Variants in GLCCI1 observed in about 807,000 individuals in gnomAD.
The protein encoded by GLCCI1 is glucocorticoid induced 1.
Under a neutral mutation model 52.2 loss-of-function variants are expected in GLCCI1, and 24 were observed. The observed-to-expected ratio is 0.46, with a 90% CI of 0.33 to 0.65. The LOEUF is 0.65. GLCCI1 is among the 30% of genes least tolerant of loss of function. GLCCI1 has a pLI of 0.02. For synonymous variants in GLCCI1, 310 were observed against 276.5 expected, an observed-to-expected ratio of 1.12 and a Z score of -1.20; for missense variants, 704 against 701.5, an observed-to-expected ratio of 1.00 and a Z score of -0.04.
intron 1 of GLCCI1, among the ~76,000 whole-genome samples, chr7:8,001,969 A>T (rs1289636938): frequency 6.6e-6 from 1 of 152,182 alleles, no homozygotes; most frequent in Non-Finnish European, 1.5e-5. Context: ...TGGGAGAGGG[A>T]TAGCATTAGG....
chr7:7,975,081 A>G (rs1357230290), intron 1 of GLCCI1, among the ~76,000 whole-genome samples: 2 of 152,178 alleles, frequency 1.3e-5, no homozygotes, highest in African/African-American at 4.8e-5. Context: ...GAAGGCAGAT[A>G]CTACCTGTAT....
intron 1 of GLCCI1, among the ~76,000 whole-genome samples, chr7:8,002,195 C>A (rs1030796261): frequency 2.0e-5 from 3 of 151,916 alleles, no homozygotes; most frequent in Non-Finnish European, 2.9e-5. Flanking sequence ...ATTTTTAGAA[C>A]TCAATAGTAG....
intron 6 of GLCCI1, among the ~76,000 whole-genome samples, chr7:8,076,868 T>C (rs1782886445): frequency 6.6e-6 from 1 of 152,172 alleles, no homozygotes; most frequent in African/African-American, 2.4e-5. Context: ...GTTCATGATA[T>C]GCCCATTTTT....
chr7:7,974,666 T>C (rs1241769568), intron 1 of GLCCI1, among the ~76,000 whole-genome samples: 4 of 152,196 alleles, frequency 2.6e-5, no homozygotes, highest in African/African-American at 9.7e-5. Flanking sequence ...CGGAGAGGGT[T>C]TTCCTTAGTC....
At chr7:8,057,524 A>G (rs1160468164) in intron 4 of GLCCI1, among the ~76,000 whole-genome samples, 1 of 152,136 alleles carries the variant, frequency 6.6e-6, no homozygotes, top group African/African-American at 2.4e-5. Context: ...AGTTTTAGGG[A>G]TGCGGATTGA....
chr7:8,025,306 C>T (rs1054320135), intron 3 of GLCCI1, among the ~76,000 whole-genome samples: 4 of 152,002 alleles, frequency 2.6e-5, no homozygotes, highest in South Asian at 2.1e-4. Flanking sequence ...CGCCACTGCA[C>T]TGCAGCCTGG....
intron 3 of GLCCI1, among the ~76,000 whole-genome samples, chr7:8,026,718 G>T (rs1781630220): frequency 6.6e-6 from 1 of 152,250 alleles, no homozygotes; most frequent in South Asian, 2.1e-4. Context: ...CCTGTGCATG[G>T]AGGGAACGTT....
intron 1 of GLCCI1, among the ~76,000 whole-genome samples, chr7:7,993,460 A>G (rs1475957055): frequency 6.6e-6 from 1 of 152,192 alleles, no homozygotes; most frequent in Admixed American, 6.5e-5. Context: ...GAGCATAGCC[A>G]TATTGCTCTA....
chr7:7,969,554 G>T lies in GLCCI1; in HGVS notation c.204G>T (p.Val68=). 1.0e-6 allele frequency: 1 copy of T among 1,002,492 alleles called. No individual in the cohort carries two copies. Among genetic ancestry groups the T allele is most frequent in the Non-Finnish European group, 1.2e-6 (1 of 842,236 alleles). The allele number at this position is 1,002,492 out of a possible 1,614,324, so 62.1% of individuals were successfully genotyped here. The change falls in exon 1 of 8, where the codon GTG becomes GTT. Residue 68 remains valine (V), a synonymous_variant. Coordinates refer to ENST00000223145, the MANE Select transcript of GLCCI1 (RefSeq NM_138426.4). This position sits in a 1 kb window ranked among gnomAD's most constrained non-coding sequence, Gnocchi z 4.9. ...GRLLQPIRAT[V]PYQLLRGSQH... is the part of the protein sequence containing the mutation. ...TGCTGCAGCCCATCCGCGCCACGGT[G>T]CCCTACCAGCTCTTGCGGGGCAGCC...
intron 5 of GLCCI1, among the ~76,000 whole-genome samples, chr7:8,061,518 A>G (rs117620902): frequency 0.029 from 4,474 of 152,236 alleles, 87 homozygotes; most frequent in Middle Eastern, 0.048. Context: ...ATCTTGATGA[A>G]TATTGCCAGA....
intron 1 of GLCCI1, among the ~76,000 whole-genome samples, chr7:7,989,674 GT>G (rs1287485495): frequency 6.6e-6 from 1 of 152,098 alleles, no homozygotes; most frequent in African/African-American, 2.4e-5. Flanking sequence ...GAGACCACTT[GT>G]GATAGCCACA....
chr7:8,011,959 G>T (rs902474807), intron 2 of GLCCI1, among the ~76,000 whole-genome samples: 7 of 151,934 alleles, frequency 4.6e-5, no homozygotes, highest in African/African-American at 1.7e-4. Context: ...GGCACTGCAG[G>T]CACACGCCAC....
chr7:8,009,307 A>G (rs1262884866), intron 2 of GLCCI1, among the ~76,000 whole-genome samples: 1 of 152,228 alleles, frequency 6.6e-6, no homozygotes, highest in Non-Finnish European at 1.5e-5. Context: ...TCTTCACCCC[A>G]TAGTCTGAGG....
At chr7:7,986,536 AAAAG>A (rs147102183) in intron 1 of GLCCI1, among the ~76,000 whole-genome samples, 62,975 of 151,124 alleles carry the variant, frequency 0.42, 13,322 homozygotes, top group Middle Eastern at 0.51. Flanking sequence ...AAAAAGAAAA[AAAAG>A]AAAAAGTGAC....
At chr7:8,007,319 C>T (rs953555385) in intron 2 of GLCCI1, among the ~76,000 whole-genome samples, 3 of 152,044 alleles carry the variant, frequency 2.0e-5, no homozygotes, top group Admixed American at 6.5e-5. Flanking sequence ...CATATTACAT[C>T]GTTATGTAAT....
At chr7:8,078,366 A>C (rs1782920412) in intron 6 of GLCCI1, among the ~76,000 whole-genome samples, 1 of 152,166 alleles carries the variant, frequency 6.6e-6, no homozygotes, top group Non-Finnish European at 1.5e-5. Flanking sequence ...AAGTAGAGGC[A>C]GTAGGAGGGC....
At chr7:7,981,197 T>C in intron 1 of GLCCI1, 1 of 340,268 alleles carries the variant, frequency 2.9e-6, no homozygotes, top group Non-Finnish European at 5.6e-6. Context: ...TAAGAAGTTG[T>C]GAAGTTATCT....
At chr7:8,000,713 A>G (rs1781035038) in intron 1 of GLCCI1, among the ~76,000 whole-genome samples, 1 of 36,246 alleles carries the variant, frequency 2.8e-5, no homozygotes, top group African/African-American at 1.1e-4. Flanking sequence ...AAAATAATTA[A>G]TGGGACAAAT....
At chr7:7,990,811 C>T (rs1448178709) in intron 1 of GLCCI1, among the ~76,000 whole-genome samples, 8 of 152,032 alleles carry the variant, frequency 5.3e-5, no homozygotes, top group Non-Finnish European at 7.4e-5. Flanking sequence ...CTAGAATTAA[C>T]GTCTGTGTTT....
Sources: gnomAD v4.1 joint callset for allele counts (sites outside exome capture counted in the v4.1 genomes callset) on GRCh38, gnomAD v4.1.1 for gene constraint, Gnocchi (gnomAD v3.1) non-coding constraint, MANE v1.5 for transcripts, NCBI Gene and HGNC (gene_info 2026-07-23, HGNC 2026-07-21) for gene names.